Variants in PHAX observed in about 807,000 individuals in gnomAD.
PHAX encodes phosphorylated adapter RNA export protein.
A neutral mutation model predicts 41.6 loss-of-function variants in PHAX; 31 were observed. That is an observed-to-expected ratio of 0.75 (90% CI 0.56 to 1.01). The LOEUF is 1.01. Ranked by LOEUF, PHAX falls within the 50% of genes least tolerant of loss-of-function variation. The pLI is 0.00. For synonymous variants in PHAX, 175 were observed against 164.9 expected, an observed-to-expected ratio of 1.06 and a Z score of -0.47; for missense variants, 453 against 472.9, an observed-to-expected ratio of 0.96 and a Z score of 0.39.
chr5:126,614,424 A>G (rs910170943), intron 3 of PHAX, among the ~76,000 whole-genome samples: 4 of 152,038 alleles, frequency 2.6e-5, no homozygotes, highest in African/African-American at 9.7e-5. Flanking sequence ...AAGTGTGTAT[A>G]TGTACCTATT....
chr5:126,602,446 G>T (rs1751918750), intron 1 of PHAX, among the ~76,000 whole-genome samples: 1 of 152,232 alleles, frequency 6.6e-6, no homozygotes, highest in Non-Finnish European at 1.5e-5. Flanking sequence ...TAGGGTTATT[G>T]CAAGGATTCT....
intron 4 of PHAX, among the ~76,000 whole-genome samples, chr5:126,619,432 C>T (rs1752236284): frequency 6.6e-6 from 1 of 152,022 alleles, no homozygotes; most frequent in Non-Finnish European, 1.5e-5. Flanking sequence ...AAAAATTAAC[C>T]AGGCATGGTG....
Position 126,603,664 on chromosome 5 carries a change from A to T in PHAX, c.191A>T (p.Asp64Val). The T allele has an allele frequency of 6.2e-7, 1 of 1,614,218 alleles. No individual in the cohort carries two copies. Among genetic ancestry groups the T allele is most frequent in the Non-Finnish European group, 8.5e-7 (1 of 1,180,032 alleles). Residue 64 changes from aspartate to valine, a missense_variant, in exon 2 of 5, where the codon GAT (aspartate) becomes GTT (valine). Asp to Val is a radical substitution (Grantham distance 152). Transcript: ENST00000297540. The stretch of plus-strand genomic sequence containing the variant: ...CATTATCGAGCTGTTGAAAGTGTGG[A>T]TTCAAGTGAAGAAAGTTTTTCTGAT... Reference protein sequence around the residue: ...VSHYRAVESVDSSEESFSDSD... With the variant: ...VSHYRAVESVVSSEESFSDSD...
chr5:126,606,738 G>T (rs993743817), intron 2 of PHAX, among the ~76,000 whole-genome samples: 1 of 152,024 alleles, frequency 6.6e-6, no homozygotes, highest in Admixed American at 6.6e-5. Flanking sequence ...TGCAACCTCC[G>T]CCTCCTGGGT....
At chr5:126,619,576 T>TAA (rs11301205) in intron 4 of PHAX, among the ~76,000 whole-genome samples, 2 of 141,106 alleles carry the variant, frequency 1.4e-5, no homozygotes, top group East Asian at 4.1e-4. Context: ...ACTCTGTCTT[T>TAA]AAAAAAAAAA....
chr5:126,602,701 G>A (rs575726009), intron 1 of PHAX, among the ~76,000 whole-genome samples: 1 of 152,234 alleles, frequency 6.6e-6, no homozygotes, highest in African/African-American at 2.4e-5. Flanking sequence ...TGGACTCTGG[G>A]GTTTTAAAAA....
chr5:126,615,414 C>T (rs992426823), intron 3 of PHAX, among the ~76,000 whole-genome samples: 1 of 151,516 alleles, frequency 6.6e-6, no homozygotes, highest in Non-Finnish European at 1.5e-5. Flanking sequence ...TAGCTGAGGT[C>T]AAACAGGGCA....
At chr5:126,605,154 C>T (rs1019225016) in intron 2 of PHAX, among the ~76,000 whole-genome samples, 2 of 151,670 alleles carry the variant, frequency 1.3e-5, no homozygotes, top group Non-Finnish European at 2.9e-5. Flanking sequence ...TCAACCACTG[C>T]GCTGTCCACA....
intron 2 of PHAX, among the ~76,000 whole-genome samples, chr5:126,607,744 G>A (rs1485538800): frequency 6.6e-6 from 1 of 152,128 alleles, no homozygotes; most frequent in Non-Finnish European, 1.5e-5. Flanking sequence ...GACACTGGAA[G>A]AATTACTTAG....
chr5:126,618,426 C>A (rs189688408), intron 4 of PHAX, among the ~76,000 whole-genome samples: 127 of 152,026 alleles, frequency 8.4e-4, no homozygotes, highest in African/African-American at 3.0e-3. Context: ...AATGACAATA[C>A]CCTACATAAC....
intron 4 of PHAX, among the ~76,000 whole-genome samples, chr5:126,622,851 C>A (rs911049365): frequency 2.0e-5 from 3 of 151,992 alleles, no homozygotes; most frequent in African/African-American, 7.2e-5. Flanking sequence ...TTGGGCCGGG[C>A]GCGGTGGCTT....
chr5:126,605,080 G>GTCAAAC (rs1751968661), intron 2 of PHAX, among the ~76,000 whole-genome samples: 1 of 151,560 alleles, frequency 6.6e-6, no homozygotes, highest in Admixed American at 6.6e-5. Context: ...CCAGGCTGGT[G>GTCAAAC]TCAAACTCCT....
At position 126,603,810 on chromosome 5, in the gene PHAX, A is replaced by C; in HGVS notation, c.337A>C (p.Lys113Gln). The part of the protein sequence containing the change: ...SQKPPVAGGK[K>Q]INNIWGAVLQ... ...GAAACCACCTGTTGCTGGAGGAAAG[A>C]AGATTAACAACATATGGGGTGCTGT... Residue 113 changes from lysine (K) to glutamine (Q), a missense_variant, in exon 2 of 5, where the codon AAG becomes CAG. Physicochemically the swap from Lys to Gln is moderately conservative, Grantham distance 53 (BLOSUM62 1). Coordinates refer to ENST00000297540, the MANE Select transcript of PHAX (RefSeq NM_032177.4). 3 of 1,614,178 alleles carry C rather than the reference A, an allele frequency of 1.9e-6. No individual in the cohort carries two copies. Among genetic ancestry groups the C allele is most frequent in the Non-Finnish European group, 2.5e-6 (3 of 1,180,036 alleles).
chr5:126,608,319 T>G (rs951909216), intron 2 of PHAX, 45 bp from the exon 3 acceptor site: 31 of 1,583,582 alleles, frequency 2.0e-5, no homozygotes, highest in Non-Finnish European at 2.7e-5. Context: ...TTTCTTCAAC[T>G]TTGTACAACA....
chr5:126,605,931 T>C (rs1398731963), intron 2 of PHAX, among the ~76,000 whole-genome samples: 1 of 152,222 alleles, frequency 6.6e-6, no homozygotes, highest in Non-Finnish European at 1.5e-5. Flanking sequence ...TTAGGAAACA[T>C]ATCAAGTTGT....
intron 2 of PHAX, among the ~76,000 whole-genome samples, chr5:126,604,431 T>G (rs1211688057): frequency 6.6e-6 from 1 of 151,816 alleles, no homozygotes; most frequent in Non-Finnish European, 1.5e-5. Flanking sequence ...CGCCCAGCTA[T>G]TCTTTGTATT....
Position 126,603,557 on chromosome 5 carries a change from T to C in PHAX, c.97-13T>C, listed in dbSNP as rs1354755549. 1.3e-6 allele frequency: 2 copies of C among 1,582,062 alleles called. No individual in the cohort carries two copies. The highest frequency in any genetic ancestry group is 1.7e-6 in the Non-Finnish European group (2 of 1,162,050). ...TGTTTTGTGAAATTGATTGTGTTTC[T>C]TTTCACTTGCAGAAAGTGCTAGGTG... On this transcript the variant is annotated splice_polypyrimidine_tract_variant and intron_variant, in intron 1 of 4. Coordinates refer to ENST00000297540, the MANE Select transcript of PHAX (RefSeq NM_032177.4).
chr5:126,601,099 CGGAGCCTGGGCCCCGG>C (rs1290571507), intron 1 of PHAX, 41 bp downstream of exon 1: 1 of 1,445,628 alleles, frequency 6.9e-7, no homozygotes, highest in Non-Finnish European at 9.6e-7. Context: ...GCTGGGCGCG[CGGAGCCTGGGCCCCGG>C]GGAGCGCGCA....
In PHAX at chr5:126,624,578, A is replaced by G. The variant is rs896839586; in HGVS notation, c.919A>G (p.Ile307Val). The G allele has an allele frequency of 6.3e-7, 1 of 1,589,672 alleles. No homozygotes were observed. Among genetic ancestry groups the G allele is most frequent in the Non-Finnish European group, 8.5e-7 (1 of 1,171,322 alleles). The stretch of plus-strand genomic sequence containing the variant: ...TAACTTTGTTCCTTTATTACAGGAC[A>G]TTTTCTACATTGAAAACCAAAAGGA... ...PSISEEQIKDIFYIENQKEYE... is the reference protein window; with the variant it reads ...PSISEEQIKDVFYIENQKEYE... The change falls in exon 5 of 5, where the codon ATT (isoleucine) becomes GTT (valine). Residue 307 changes from isoleucine to valine, a missense_variant. By Grantham distance (29) the Ile-to-Val change is conservative. Coordinates refer to ENST00000297540, the MANE Select transcript of PHAX (RefSeq NM_032177.4).
Sources: gnomAD v4.1 joint callset for allele counts (sites outside exome capture counted in the v4.1 genomes callset) on GRCh38, gnomAD v4.1.1 for gene constraint, MANE v1.5 for transcripts, NCBI Gene and HGNC (gene_info 2026-07-23, HGNC 2026-07-21) for gene names.